RNF150: variants seen among roughly 807,000 people sequenced by gnomAD.
The protein encoded by RNF150 is ring finger protein 150.
Under a neutral mutation model 39.3 loss-of-function variants are expected in RNF150, and 24 were observed. The observed-to-expected ratio is 0.61, with a 90% CI of 0.44 to 0.86. The LOEUF (loss-of-function observed/expected upper bound fraction) is 0.86. Among genes scored for constraint, RNF150 ranks in the 40% least tolerant of loss-of-function variants. RNF150 has a pLI of 0.00. For missense variants in RNF150, 502 were observed against 587.8 expected (o/e 0.85, Z 1.51); for synonymous variants, 255 against 227.3 (o/e 1.12, Z -1.10).
chr4:141,040,001 C>G (rs1054197773), intron 1 of RNF150, among the ~76,000 whole-genome samples: 1 of 152,094 alleles, frequency 6.6e-6, no homozygotes, highest in African/African-American at 2.4e-5. Context: ...GAAAATGAAC[C>G]CACAAACTGC....
At chr4:141,042,903 A>G (rs888367344) in intron 1 of RNF150, among the ~76,000 whole-genome samples, 4 of 152,032 alleles carry the variant, frequency 2.6e-5, no homozygotes, top group African/African-American at 9.7e-5. Context: ...TCGGCATACT[A>G]TTTTAGGTAA....
chr4:141,098,780 G>A (rs1716357520), intron 1 of RNF150, among the ~76,000 whole-genome samples: 1 of 152,128 alleles, frequency 6.6e-6, no homozygotes, highest in Admixed American at 6.5e-5. Flanking sequence ...GTAACAGTCT[G>A]ATTTCAATGT....
intron 1 of RNF150, among the ~76,000 whole-genome samples, chr4:141,156,762 C>G (rs1262476671): frequency 8.5e-6 from 1 of 117,276 alleles, no homozygotes; most frequent in East Asian, 2.7e-4. Flanking sequence ...AAAAAATTAA[C>G]CAGGTGTGTT....
Position 140,967,796 on chromosome 4 carries a change from T to G in RNF150, c.562A>C (p.Thr188Pro). ...CCGATGGTGATGTACATTGTCACGG[T>G]GATGTTTCTTTCCAGCAGGCTTACT... ...EIVSLLERNI[T>P]VTMYITIGTR... The change falls in exon 2 of 7, where the codon ACC becomes CCC. Residue 188 changes from threonine to proline, a missense_variant. Coordinates refer to ENST00000515673, the MANE Select transcript of RNF150 (RefSeq NM_020724.2). 1 of 1,613,454 alleles carries G rather than the reference T, an allele frequency of 6.2e-7. No individual in the cohort carries two copies. Among genetic ancestry groups the G allele is most frequent in the Non-Finnish European group, 8.5e-7 (1 of 1,179,630 alleles).
At chr4:141,118,061 G>GC (rs1489897285) in intron 1 of RNF150, among the ~76,000 whole-genome samples, 9 of 152,144 alleles carry the variant, frequency 5.9e-5, no homozygotes, top group Non-Finnish European at 1.2e-4. Flanking sequence ...GCTGCTGACA[G>GC]CCCCCTCCCC....
intron 1 of RNF150, among the ~76,000 whole-genome samples, chr4:140,995,948 T>C (rs553054251): frequency 6.6e-6 from 1 of 152,194 alleles, no homozygotes; most frequent in Non-Finnish European, 1.5e-5. Context: ...GGGATTCAGA[T>C]ATCTCTTTCA....
chr4:140,922,265 G>A (rs1004379656), intron 5 of RNF150, among the ~76,000 whole-genome samples: 8 of 151,346 alleles, frequency 5.3e-5, no homozygotes, highest in Non-Finnish European at 1.0e-4. Context: ...AGCAACTTCA[G>A]CGAAGTCTCA....
chr4:141,030,531 A>G (rs1213221828), intron 1 of RNF150, among the ~76,000 whole-genome samples: 1 of 152,154 alleles, frequency 6.6e-6, no homozygotes, highest in Non-Finnish European at 1.5e-5. Context: ...TGGAGTCACA[A>G]TAGCCAAGAT....
At chr4:141,179,247 G>A (rs1727865031) in intron 1 of RNF150, among the ~76,000 whole-genome samples, 1 of 152,048 alleles carries the variant, frequency 6.6e-6, no homozygotes, top group Non-Finnish European at 1.5e-5. Context: ...CTGTAAATAT[G>A]TCCTCACTGT....
chr4:141,080,288 A>T (rs1738099328), intron 1 of RNF150, among the ~76,000 whole-genome samples: 1 of 152,074 alleles, frequency 6.6e-6, no homozygotes, highest in African/African-American at 2.4e-5. Context: ...TCCTACACTA[A>T]TTTCTCATCC....
At chr4:140,999,178 G>A (rs1308597977) in intron 1 of RNF150, among the ~76,000 whole-genome samples, 1 of 152,190 alleles carries the variant, frequency 6.6e-6, no homozygotes, top group Non-Finnish European at 1.5e-5. Context: ...CATCTCACAA[G>A]CAGACAAAAC....
chr4:140,895,932 A>C (rs973320073), intron 6 of RNF150, among the ~76,000 whole-genome samples: 1 of 149,938 alleles, frequency 6.7e-6, no homozygotes, highest in East Asian at 1.9e-4. Context: ...AAACACATGA[A>C]GAAATGCTCA....
chr4:141,021,820 G>A (rs931406929), intron 1 of RNF150, among the ~76,000 whole-genome samples: 2 of 152,200 alleles, frequency 1.3e-5, no homozygotes, highest in Non-Finnish European at 2.9e-5. Context: ...CATGCCCCAT[G>A]CCAAAGCCCC....
chr4:140,962,052 C>CTCTCTCTCTCTCT (rs1174580764), intron 2 of RNF150, among the ~76,000 whole-genome samples: 1 of 110,700 alleles, frequency 9.0e-6, no homozygotes, highest in Non-Finnish European at 2.1e-5. Flanking sequence ...TGATTAACAT[C>CTCTCTCTCTCTCT]TCTCTCTCTC....
intron 1 of RNF150, among the ~76,000 whole-genome samples, chr4:141,164,764 T>C (rs1727571517): frequency 6.6e-6 from 1 of 152,220 alleles, no homozygotes; most frequent in Admixed American, 6.5e-5. Context: ...ATGAGACATT[T>C]TGTCACCACC....
chr4:141,192,590 G>C (rs748453939), intron 1 of RNF150, among the ~76,000 whole-genome samples: 1 of 152,174 alleles, frequency 6.6e-6, no homozygotes, highest in Non-Finnish European at 1.5e-5. Flanking sequence ...ACTCTCAGAT[G>C]AGTGGATGTT....
chr4:141,125,019 T>G (rs1726713530), intron 1 of RNF150, among the ~76,000 whole-genome samples: 1 of 152,210 alleles, frequency 6.6e-6, no homozygotes, highest in Non-Finnish European at 1.5e-5. Context: ...CACTATATAT[T>G]ATGGAATGGG....
chr4:141,087,115 T>C (rs982085183), intron 1 of RNF150, among the ~76,000 whole-genome samples: 1 of 152,176 alleles, frequency 6.6e-6, no homozygotes, highest in Non-Finnish European at 1.5e-5. Flanking sequence ...TCAATAGTTA[T>C]CTTTTCTGCT....
At chr4:141,045,835 C>A (rs1171013142) in intron 1 of RNF150, among the ~76,000 whole-genome samples, 1 of 152,086 alleles carries the variant, frequency 6.6e-6, no homozygotes, top group Non-Finnish European at 1.5e-5. Context: ...TGAGCCACAG[C>A]GCCTGGCCTA....
Sources: allele counts gnomAD v4.1 joint callset (sites outside exome capture counted in the v4.1 genomes callset), GRCh38; gene constraint gnomAD v4.1.1; transcripts MANE v1.5; gene names NCBI Gene and HGNC (gene_info 2026-07-23, HGNC 2026-07-21).